The following EDNRB variants were observed in gnomAD, a reference collection of about 807,000 sequenced individuals.
The protein encoded by EDNRB is Hirschsprung disease 2.
In EDNRB, 18 loss-of-function variants were observed where a neutral mutation model predicts 46.4. The ratio of observed to expected loss-of-function variants is 0.39; its 90% CI spans 0.27 to 0.57. The LOEUF (loss-of-function observed/expected upper bound fraction) is 0.57, where lower values mean the gene tolerates loss of function less well. EDNRB is among the 20% of genes least tolerant of loss of function. The probability of loss-of-function intolerance (pLI) is 0.61; values close to 1 mark genes in which losing one functional copy is unlikely to be tolerated. For missense variants in EDNRB, 434 were observed against 537.5 expected (o/e 0.81, Z 1.90); for synonymous variants, 213 against 204.9 (o/e 1.04, Z -0.34).
chr13:77,952,015 G>C (rs960235869), intron 1 of EDNRB, among the ~76,000 whole-genome samples: 8 of 152,090 alleles, frequency 5.3e-5, no homozygotes, highest in African/African-American at 1.9e-4. Context: ...CTTTGGGTCG[G>C]GGGTTTCCCC....
intron 1 of EDNRB, among the ~76,000 whole-genome samples, chr13:77,912,860 T>A (rs539280524): frequency 6.6e-6 from 1 of 152,272 alleles, no homozygotes; most frequent in South Asian, 2.1e-4. Context: ...GTTACTTGAC[T>A]GGAAATGAGA....
chr13:77,972,954 A>G (rs1881779593), intron 1 of EDNRB, among the ~76,000 whole-genome samples: 1 of 152,134 alleles, frequency 6.6e-6, no homozygotes, highest in African/African-American at 2.4e-5. Flanking sequence ...AGCACAAAGT[A>G]GGGTCCTTCC....
intron 1 of EDNRB, among the ~76,000 whole-genome samples, chr13:77,968,787 T>C (rs1416117890): frequency 6.6e-5 from 10 of 152,300 alleles, no homozygotes; most frequent in African/African-American, 2.4e-4. Flanking sequence ...GAGCTGGTTC[T>C]GTGTCAACTA....
intron 6 of EDNRB, among the ~76,000 whole-genome samples, chr13:77,899,006 GT>G (rs1296115731): frequency 3.3e-5 from 5 of 151,680 alleles, no homozygotes; most frequent in Non-Finnish European, 4.4e-5. Context: ...TTTTCTTGAA[GT>G]TTTTTTAAAT....
intron 1 of EDNRB, among the ~76,000 whole-genome samples, chr13:77,935,854 A>G (rs527864465): frequency 1.3e-4 from 20 of 152,290 alleles, no homozygotes; most frequent in African/African-American, 1.9e-4. Flanking sequence ...AGGTATTGAG[A>G]ATAGGAGAGT....
intron 1 of EDNRB, among the ~76,000 whole-genome samples, chr13:77,971,528 T>C (rs914545472): frequency 1.3e-5 from 2 of 151,178 alleles, no homozygotes; most frequent in African/African-American, 4.9e-5. Flanking sequence ...TTCTGACACA[T>C]AGGGTGTAAA....
chr13:77,917,993 A>C, intron 1 of EDNRB, 98 bp downstream of exon 1: 7 of 1,576,424 alleles, frequency 4.4e-6, no homozygotes, highest in Non-Finnish European at 5.2e-6. Context: ...CTTAAGAGGG[A>C]GCTAAAGGGA....
upstream of EDNRB, among the ~76,000 whole-genome samples, chr13:77,920,987 C>T (rs983587423): frequency 2.6e-5 from 4 of 152,174 alleles, no homozygotes; most frequent in Non-Finnish European, 4.4e-5. Context: ...TTCAAATTTC[C>T]TCCACTGAGT....
At position 77,897,125 on chromosome 13, in the gene EDNRB, C is replaced by T. The variant is rs1180387141; in HGVS notation, c.*1075G>A. 4 of 985,670 alleles carry T rather than the reference C, an allele frequency of 4.1e-6. No homozygotes were observed. The highest frequency in any genetic ancestry group is 4.7e-5 in the South Asian group (1 of 21,304). 61.1% of individuals were successfully genotyped at this position (985,670 alleles called of 1,614,324 possible). ...CATGGGTGAGAGAGGGTGCTACCTGCCCCTTTGTCATGTGGACACTGCACC... is the reference window on the plus strand; with the variant it reads ...CATGGGTGAGAGAGGGTGCTACCTGTCCCTTTGTCATGTGGACACTGCACC... On this transcript the variant is annotated 3_prime_UTR_variant, in exon 7 of 7. Transcript: ENST00000646607.
At position 77,918,172 on chromosome 13, in the gene EDNRB, G is replaced by A. The variant is rs1879908006; in HGVS notation, c.402C>T (p.Asn134=). 1.9e-6 allele frequency: 3 copies of A among 1,614,176 alleles called. No homozygotes were observed. The highest frequency in any genetic ancestry group is 2.5e-6 in the Non-Finnish European group (3 of 1,180,038). The change falls in exon 1 of 7, where the codon AAC becomes AAT. Residue 134 remains asparagine, a synonymous_variant. Transcript: ENST00000646607. This position sits in a 1 kb window ranked among gnomAD's most constrained non-coding sequence, Gnocchi z 4.5. ...AGCTGGCGATCAAGATATTGGGACC[G>A]TTTCGCATGCACTTGTTCTTGTAGA... is the stretch of plus-strand genomic sequence containing the variant. The part of the protein sequence containing the change: ...RIIYKNKCMR[N]GPNILIASLA...
chr13:77,914,232 A>C (rs1879705826), intron 1 of EDNRB, among the ~76,000 whole-genome samples: 1 of 152,220 alleles, frequency 6.6e-6, no homozygotes. Flanking sequence ...ATGTACAAAC[A>C]TGTCGTTTGT....
At chr13:77,900,949 A>G in intron 4 of EDNRB, 109 bp downstream of exon 4, 6 of 1,321,946 alleles carry the variant, frequency 4.5e-6, no homozygotes, top group Non-Finnish European at 6.3e-6. Flanking sequence ...AGAAAAAGGA[A>G]ATATGCTCTG....
At chr13:77,919,722 G>T, upstream of EDNRB, 1 of 1,112,080 alleles carries the variant, frequency 9.0e-7, no homozygotes, top group Non-Finnish European at 1.3e-6. Context: ...AGTTGCCCGA[G>T]GGAGGGGGGC....
intron 1 of EDNRB, among the ~76,000 whole-genome samples, chr13:77,973,367 T>C (rs900568714): frequency 2.6e-5 from 4 of 152,200 alleles, no homozygotes; most frequent in Non-Finnish European, 4.4e-5. Context: ...TAATTTTTAA[T>C]ATTTGACTAT....
chr13:77,931,781 A>G (rs951620835), intron 1 of EDNRB, among the ~76,000 whole-genome samples: 2 of 151,354 alleles, frequency 1.3e-5, no homozygotes, highest in African/African-American at 2.4e-5. Context: ...AAAACAAAAA[A>G]AACCTCCTCT....
intron 1 of EDNRB, among the ~76,000 whole-genome samples, chr13:77,907,724 C>T (rs929365558): frequency 4.0e-5 from 6 of 151,812 alleles, no homozygotes; most frequent in African/African-American, 1.2e-4. Flanking sequence ...GATGAATGAG[C>T]GTCCAGACCA....
At chr13:77,918,965 C>G, upstream of EDNRB, 8 of 1,075,102 alleles carry the variant, frequency 7.4e-6, no homozygotes, top group Non-Finnish European at 9.3e-6. The surrounding 1 kb of genome is among the most constrained non-coding windows in gnomAD (Gnocchi z 4.5). Flanking sequence ...AATACAGACA[C>G]GTCTTAGTTA....
In EDNRB at chr13:77,944,447, T is replaced by C. The variant is rs12720144; in HGVS notation, c.-51-25823A>G. Among the ~76,000 whole-genome samples, 685 of 149,988 alleles carry C rather than the reference T, an allele frequency of 4.6e-3. 5 individuals are homozygous for C. The highest frequency in any genetic ancestry group is 0.016 in the African/African-American group (654 of 40,700). ...CCAAAACAAACTTGATCTCCTCCCT[T>C]CATGCATTATATTTACAAGTTTTTT... On this transcript the variant is annotated intron_variant, in intron 1 of 7. Transcript: ENST00000646948.
intron 1 of EDNRB, among the ~76,000 whole-genome samples, chr13:77,965,725 G>T (rs1036026260): frequency 6.6e-6 from 1 of 152,112 alleles, no homozygotes; most frequent in African/African-American, 2.4e-5. Flanking sequence ...AAAATACTGG[G>T]CCTGAAATCA....
Sources: gnomAD v4.1 joint callset for allele counts (sites outside exome capture counted in the v4.1 genomes callset) on GRCh38, gnomAD v4.1.1 for gene constraint, Gnocchi (gnomAD v3.1) non-coding constraint, MANE v1.5 for transcripts, NCBI Gene and HGNC (gene_info 2026-07-23, HGNC 2026-07-21) for gene names.